The following IRS2 variants were observed in gnomAD, a reference collection of about 807,000 sequenced individuals.
IRS2 encodes the protein insulin receptor substrate 2.
In IRS2, 28 loss-of-function variants were observed where a neutral mutation model predicts 70.9. That is an observed-to-expected ratio of 0.39 (90% CI 0.29 to 0.54). The LOEUF (loss-of-function observed/expected upper bound fraction) is 0.54. IRS2 is among the 20% of genes least tolerant of loss of function. IRS2 has a pLI of 0.59. For synonymous variants in IRS2, 1,217 were observed against 981.9 expected, an observed-to-expected ratio of 1.24 and a Z score of -4.48; for missense variants, 2,081 against 2,024.1, an observed-to-expected ratio of 1.03 and a Z score of -0.54.
chr13:109,783,114 G>A lies in IRS2; in HGVS notation c.2940C>T (p.Asn980=), dbSNP rs2138931721. 3 of 1,391,894 alleles carry A rather than the reference G, an allele frequency of 2.2e-6. No homozygotes were observed. Among genetic ancestry groups the A allele is most frequent in the South Asian group, 1.6e-5 (1 of 60,790 alleles). 86.2% of individuals were successfully genotyped at this position (1,391,894 alleles called of 1,614,324 possible). A position where few individuals can be genotyped will look rare whatever the true frequency, so the allele number is the denominator to read the frequency against. The change falls in exon 1 of 2, where the codon AAC becomes AAT. Residue 980 remains asparagine, a synonymous_variant. Coordinates refer to ENST00000375856, the MANE Select transcript of IRS2 (RefSeq NM_003749.3). ...GAGACTTGGGGGAGCTGAAGTCGAG[G>A]TTCATGTAGTCGGAGAGCGGAGACC... ...RQRSPLSDYM[N]LDFSSPKSPK...
At chr13:109,768,396 G>A (rs1297254970) in intron 1 of IRS2, among the ~76,000 whole-genome samples, 1 of 152,156 alleles carries the variant, frequency 6.6e-6, no homozygotes, top group Non-Finnish European at 1.5e-5. Context: ...AGGACATCAG[G>A]GCACCCGTAC....
rs1488168372 is a variant in IRS2, at chr13:109,755,348, C to G, written c.*956G>C. Reference sequence around the variant, plus strand: ...GGACCACCCTGGAATTGCTAGCACGCCTACAGGGATTTTTGGTTACAGAAA... The same window carrying G: ...GGACCACCCTGGAATTGCTAGCACGGCTACAGGGATTTTTGGTTACAGAAA... On this transcript the variant is annotated 3_prime_UTR_variant, in exon 2 of 2. Coordinates refer to ENST00000375856, the MANE Select transcript of IRS2 (RefSeq NM_003749.3). 4.4e-6 allele frequency: 1 copy of G among 227,344 alleles called. No homozygotes were observed. The highest frequency in any genetic ancestry group is 8.7e-6 in the Non-Finnish European group (1 of 114,638). The allele number at this position is 227,344 out of a possible 1,614,324, so 14.1% of individuals were successfully genotyped here.
rs755928096 is a variant in IRS2 at position 109,784,461 on chromosome 13, T to G, written c.1593A>C (p.Arg531=). 1 of 1,581,914 alleles carries G rather than the reference T, an allele frequency of 6.3e-7. No individual in the cohort carries two copies. The highest frequency in any genetic ancestry group is 8.6e-7 in the Non-Finnish European group (1 of 1,161,690). ...AGAACTCACCGCCGCCGCCGCCGTCTCGGGCCGGGGGCGTCTCCGCGATGG... is the reference window on the plus strand; with the variant it reads ...AGAACTCACCGCCGCCGCCGCCGTCGCGGGCCGGGGGCGTCTCCGCGATGG... The part of the protein sequence containing the change: ...PESIAETPPA[R]DGGGGGEFYG... The change falls in exon 1 of 2, where the codon CGA becomes CGC. Residue 531 remains arginine, a synonymous_variant. Transcript: ENST00000375856. This position sits in a 1 kb window ranked among gnomAD's most constrained non-coding sequence, Gnocchi z 5.2.
intron 1 of IRS2, among the ~76,000 whole-genome samples, chr13:109,762,045 G>A (rs1462746688): frequency 6.6e-6 from 1 of 152,110 alleles, no homozygotes; most frequent in African/African-American, 2.4e-5. Context: ...TTTACCTACT[G>A]CACTTCCAAT....
intron 1 of IRS2, among the ~76,000 whole-genome samples, chr13:109,758,389 G>A (rs992395085): frequency 1.3e-5 from 2 of 152,192 alleles, no homozygotes; most frequent in African/African-American, 4.8e-5. Flanking sequence ...ATTATCTCAT[G>A]TTAACTCTAA....
Position 109,784,185 on chromosome 13 carries a change from C to A in IRS2, c.1869G>T (p.Val623=). The A allele has an allele frequency of 1.3e-6, 2 of 1,578,450 alleles. No homozygotes were observed. Among genetic ancestry groups the A allele is most frequent in the Non-Finnish European group, 1.7e-6 (2 of 1,164,350 alleles). ...CPSCPASSPK[V]AYHPYPEDYG... is the part of the protein sequence containing the mutation. ...AGTCCTCTGGGTAGGGGTGGTAGGC[C>A]ACCTTGGGAGAGGACGCGGGGCAGG... The change falls in exon 1 of 2, where the codon GTG becomes GTT. Residue 623 remains valine, a synonymous_variant. Transcript: ENST00000375856. This position sits in a 1 kb window ranked among gnomAD's most constrained non-coding sequence, Gnocchi z 5.2.
chr13:109,763,395 C>A (rs1028869449), intron 1 of IRS2, among the ~76,000 whole-genome samples: 1 of 152,200 alleles, frequency 6.6e-6, no homozygotes, highest in Non-Finnish European at 1.5e-5. Context: ...AGCCAGCACA[C>A]TTTTGGAATG....
At chr13:109,771,411 T>C (rs2138919952) in intron 1 of IRS2, among the ~76,000 whole-genome samples, 1 of 152,300 alleles carries the variant, frequency 6.6e-6, no homozygotes, top group South Asian at 2.1e-4. Flanking sequence ...TATAATACTT[T>C]AAAAGAGAAA....
At chr13:109,776,621 C>T (rs1031514899) in intron 1 of IRS2, among the ~76,000 whole-genome samples, 1 of 152,208 alleles carries the variant, frequency 6.6e-6, no homozygotes, top group Non-Finnish European at 1.5e-5. Flanking sequence ...ACAACATATA[C>T]TCCAACTCTT....
chr13:109,779,498 A>G (rs1020022728), intron 1 of IRS2, among the ~76,000 whole-genome samples: 10 of 152,260 alleles, frequency 6.6e-5, no homozygotes, highest in Admixed American at 3.3e-4. Flanking sequence ...GTTAAATAAA[A>G]GTGGGTATTT....
chr13:109,763,874 C>A (rs1023492565), intron 1 of IRS2, among the ~76,000 whole-genome samples: 9 of 152,176 alleles, frequency 5.9e-5, no homozygotes, highest in Non-Finnish European at 1.0e-4. Context: ...TCCAGATAGC[C>A]TGTTGTTATA....
Position 109,783,480 on chromosome 13 carries a change from G to C in IRS2, c.2574C>G (p.Pro858=), listed in dbSNP as rs1280203720. The C allele has an allele frequency of 2.6e-6, 4 of 1,542,452 alleles. No individual in the cohort carries two copies. The highest frequency in any genetic ancestry group is 1.8e-4 in the Middle Eastern group (1 of 5,416). ...GCACTACAGGGTGAGGGGGCTGCGT[G>C]GGGCCGGCCCCGAAGGCGCTGGCCG... ...SQAASAFGAG[P]TQPPHPVVPS... The change falls in exon 1 of 2, where the codon CCC becomes CCG. Residue 858 remains proline (P), a synonymous_variant. Coordinates refer to ENST00000375856, the MANE Select transcript of IRS2 (RefSeq NM_003749.3).
intron 1 of IRS2, among the ~76,000 whole-genome samples, chr13:109,777,207 A>G (rs1382608411): frequency 6.6e-6 from 1 of 152,112 alleles, no homozygotes; most frequent in African/African-American, 2.4e-5. Flanking sequence ...ATTTTCCCTT[A>G]AGTTTATAAG....
At chr13:109,763,783 C>T (rs1370704082) in intron 1 of IRS2, among the ~76,000 whole-genome samples, 1 of 152,116 alleles carries the variant, frequency 6.6e-6, no homozygotes, top group Non-Finnish European at 1.5e-5. Context: ...TTGTTTATAT[C>T]AGAAATTATA....
At chr13:109,765,436 C>T (rs1189611964) in intron 1 of IRS2, among the ~76,000 whole-genome samples, 6 of 151,738 alleles carry the variant, frequency 4.0e-5, no homozygotes, top group Non-Finnish European at 2.9e-5. Flanking sequence ...GCCTCAACCA[C>T]CCTGACTCCA....
At position 109,782,500 on chromosome 13, in the gene IRS2, C is replaced by T. The variant is rs756421911; in HGVS notation, c.3554G>A (p.Ser1185Asn). Residue 1185 changes from serine (S) to asparagine (N), a missense_variant, in exon 1 of 2, where the codon AGC becomes AAC. Physicochemically the swap from Ser to Asn is conservative, Grantham distance 46 (BLOSUM62 1). Coordinates refer to ENST00000375856, the MANE Select transcript of IRS2 (RefSeq NM_003749.3). ...ASVENVSLRK[S>N]SEGGVGVGPG... ...GCCGACACCCACGCCGCCCTCGCTG[C>T]TTTTCCTGAGAGAGACATTTTCCAC... 5.0e-5 allele frequency: 77 copies of T among 1,553,776 alleles called. No homozygotes were observed. In the African/African-American group the frequency reaches 9.3e-4, roughly 19 times the overall value.
At position 109,786,183 on chromosome 13, in the gene IRS2, G is replaced by T; in HGVS notation, c.-130C>A. 1 of 425,006 alleles carries T rather than the reference G, an allele frequency of 2.4e-6. No homozygotes were observed. The highest frequency in any genetic ancestry group is 3.1e-6 in the Non-Finnish European group (1 of 320,312). The allele number at this position is 425,006 out of a possible 1,614,324, so 26.3% of individuals were successfully genotyped here. ...CCGCCCGCCCGATCACGCGTCCCTC[G>T]GGCCCAGGCGGTGGGGAAGGTCCGG... On this transcript the variant is annotated 5_prime_UTR_variant, in exon 1 of 2. Transcript: ENST00000375856. The surrounding 1 kb of genome is among the most constrained non-coding windows in gnomAD (Gnocchi z 4.4).
At position 109,783,653 on chromosome 13, in the gene IRS2, AGCCGGGAACGCCCCTGAGCGGCTCCCC is replaced by A; in HGVS notation, c.2374_2400del (p.Gly792_Gly800del). 6.4e-7 allele frequency: 1 copy of A among 1,554,562 alleles called. No individual in the cohort carries two copies. The highest frequency in any genetic ancestry group is 2.4e-5 in the East Asian group (1 of 41,396). Reference sequence around the variant, plus strand: ...GAGCGGGGCAAGGAGCTGTAGCAGCAGCCGGGAACGCCCCTGAGCGGCTCCCCGCCGGGGTGCAGGGCTGCGGAGAAG... The same window carrying A: ...GAGCGGGGCAAGGAGCTGTAGCAGCAGCCGGGGTGCAGGGCTGCGGAGAAG... On this transcript the variant is annotated inframe_deletion, in exon 1 of 2. Coordinates refer to ENST00000375856, the MANE Select transcript of IRS2 (RefSeq NM_003749.3).
chr13:109,755,116 G>A lies in IRS2; in HGVS notation c.*1188C>T. 1.3e-5 allele frequency: 3 copies of A among 231,282 alleles called. No homozygotes were observed. Among genetic ancestry groups the A allele is most frequent in the Non-Finnish European group, 1.7e-5 (2 of 117,152 alleles). The allele number at this position is 231,282 out of a possible 1,614,324, so 14.3% of individuals were successfully genotyped here. On this transcript the variant is annotated 3_prime_UTR_variant, in exon 2 of 2. Transcript: ENST00000375856. ...GGGTAGTCTTGTCCGGAATTTTTTC[G>A]ACAAGTAACATGTACTGCGAGATTG...
Sources: gnomAD v4.1 joint callset for allele counts (sites outside exome capture counted in the v4.1 genomes callset) on GRCh38, gnomAD v4.1.1 for gene constraint, Gnocchi (gnomAD v3.1) non-coding constraint, MANE v1.5 for transcripts, NCBI Gene and HGNC (gene_info 2026-07-23, HGNC 2026-07-21) for gene names.